Variants in CDH4 observed in about 807,000 individuals in gnomAD.
CDH4 encodes cadherin 4.
CDH4 carries 33 observed loss-of-function variants against 86.0 expected under a neutral mutation model. The ratio of observed to expected loss-of-function variants is 0.38; its 90% CI spans 0.29 to 0.51. The LOEUF is 0.51. Ranked by LOEUF, CDH4 falls within the 20% of genes least tolerant of loss-of-function variation. CDH4 has a pLI of 0.86. For synonymous variants in CDH4, 555 were observed against 549.4 expected, an observed-to-expected ratio of 1.01 and a Z score of -0.14; for missense variants, 1,114 against 1,307.4, an observed-to-expected ratio of 0.85 and a Z score of 2.28.
At chr20:61,883,996 C>T (rs28447167) in intron 7 of CDH4, among the ~76,000 whole-genome samples, 2 of 152,154 alleles carry the variant, frequency 1.3e-5, no homozygotes, top group Non-Finnish European at 2.9e-5. Context: ...TTCTTTGTGG[C>T]CTCCCCTGCC....
chr20:61,754,557 A>C lies in CDH4; in HGVS notation c.396+10768A>C, dbSNP rs1476126020. 1.3e-5 allele frequency among the ~76,000 whole-genome samples: 2 copies of C among 151,530 alleles called. No homozygotes were observed. Among genetic ancestry groups the C allele is most frequent in the Non-Finnish European group, 1.5e-5 (1 of 67,976 alleles). On this transcript the variant is annotated intron_variant, in intron 3 of 15. Transcript: ENST00000614565. The surrounding 1 kb of genome is among the most constrained non-coding windows in gnomAD (Gnocchi z 4.7). The stretch of plus-strand genomic sequence containing the variant: ...AGGGATGAGGAACGGGTGCCATTCC[A>C]AGGGCAGCAGCACACAACAGGTGCA...
chr20:61,882,252 C>T (rs188193907), intron 7 of CDH4, among the ~76,000 whole-genome samples: 8 of 152,332 alleles, frequency 5.3e-5, no homozygotes, highest in East Asian at 1.9e-4. Flanking sequence ...TGCACGTGGG[C>T]GGTGCCACGC....
chr20:61,434,481 C>A (rs1020752016), intron 2 of CDH4: 1 of 152,154 alleles, frequency 6.6e-6, no homozygotes. Flanking sequence ...TCAAAGAAAC[C>A]AGATCGGGTT....
At chr20:61,633,435 A>G (rs1434092325) in intron 2 of CDH4, among the ~76,000 whole-genome samples, 2 of 151,838 alleles carry the variant, frequency 1.3e-5, no homozygotes, top group Non-Finnish European at 2.9e-5. Flanking sequence ...CCATCCTCCC[A>G]TCCATTCATC....
intron 2 of CDH4, among the ~76,000 whole-genome samples, chr20:61,658,914 A>G (rs560407518): frequency 6.6e-6 from 1 of 152,246 alleles, no homozygotes; most frequent in East Asian, 1.9e-4. Flanking sequence ...TGTCCCCACA[A>G]TTCAGAGTGA....
intron 2 of CDH4, among the ~76,000 whole-genome samples, chr20:61,522,426 C>T (rs1208029646): frequency 6.6e-6 from 1 of 152,204 alleles, no homozygotes; most frequent in Non-Finnish European, 1.5e-5. Context: ...GGTGCTGCGC[C>T]GTCCCTGACA....
At chr20:61,764,177 G>A (rs146494733) in intron 3 of CDH4, among the ~76,000 whole-genome samples, 84 of 152,320 alleles carry the variant, frequency 5.5e-4, no homozygotes, top group African/African-American at 1.3e-3. Context: ...CCAAGAAGCC[G>A]GCAGGGCAGA....
At chr20:61,857,047 G>T (rs1394958503) in intron 6 of CDH4, among the ~76,000 whole-genome samples, 1 of 152,234 alleles carries the variant, frequency 6.6e-6, no homozygotes, top group African/African-American at 2.4e-5. Flanking sequence ...CAGCCCTGGG[G>T]GTGAGGGGAG....
intron 2 of CDH4, among the ~76,000 whole-genome samples, chr20:61,669,615 G>A (rs1424633239): frequency 6.6e-6 from 1 of 152,214 alleles, no homozygotes; most frequent in Non-Finnish European, 1.5e-5. Flanking sequence ...CTTATCCGGT[G>A]TGTAATGTTC....
chr20:61,558,013 T>C (rs1331652551), intron 2 of CDH4, among the ~76,000 whole-genome samples: 3 of 152,150 alleles, frequency 2.0e-5, no homozygotes, highest in Non-Finnish European at 2.9e-5. Flanking sequence ...AAATTGCCAG[T>C]TGGAATGAGA....
rs6089393 is a variant in CDH4, at chr20:61,480,997, C to T, written c.169+226060C>T. 0.017 allele frequency among the ~76,000 whole-genome samples: 2,567 copies of T among 152,228 alleles called. 28 individuals are homozygous for T. The highest frequency in any genetic ancestry group is 0.028 in the Non-Finnish European group (1,874 of 68,020). ...GTAGTCAGATGACATCCATGAGAGG[C>T]GTTCTCAGTCAGCTTCATTTCTGTT... On this transcript the variant is annotated intron_variant, in intron 2 of 15. Transcript: ENST00000614565. This position sits in a 1 kb window ranked among gnomAD's most constrained non-coding sequence, Gnocchi z 5.2.
chr20:61,358,339 A>C (rs2084764638), intron 2 of CDH4, among the ~76,000 whole-genome samples: 1 of 152,220 alleles, frequency 6.6e-6, no homozygotes, highest in African/African-American at 2.4e-5. Context: ...CACAGCACCC[A>C]CATCAGTCAG....
chr20:61,555,104 C>T (rs1024790616), intron 2 of CDH4, among the ~76,000 whole-genome samples: 5 of 151,762 alleles, frequency 3.3e-5, no homozygotes, highest in East Asian at 1.9e-4. Context: ...CAGTATGAGC[C>T]GTATGTGTGT....
chr20:61,713,734 GCT>G (rs932131128), intron 2 of CDH4, among the ~76,000 whole-genome samples: 3 of 152,196 alleles, frequency 2.0e-5, no homozygotes, highest in African/African-American at 7.2e-5. Flanking sequence ...GAGGGAGGGG[GCT>G]CCCCATGGGC....
chr20:61,300,336 G>T (rs2084379257), intron 2 of CDH4, among the ~76,000 whole-genome samples: 1 of 152,156 alleles, frequency 6.6e-6, no homozygotes. Flanking sequence ...TTCTGGGAGA[G>T]GGAACAGTGC....
chr20:61,484,827 A>G (rs1392243226), intron 2 of CDH4, among the ~76,000 whole-genome samples: 1 of 152,168 alleles, frequency 6.6e-6, no homozygotes, highest in African/African-American at 2.4e-5. Flanking sequence ...GAGCCACCTT[A>G]TCCAGGACCC....
intron 6 of CDH4, among the ~76,000 whole-genome samples, chr20:61,870,617 G>A (rs939932784): frequency 2.0e-5 from 3 of 152,146 alleles, no homozygotes; most frequent in Non-Finnish European, 2.9e-5. Flanking sequence ...TTTCACAGAC[G>A]AAAATGCCGG....
intron 2 of CDH4, among the ~76,000 whole-genome samples, chr20:61,527,449 C>A (rs1021192507): frequency 1.1e-4 from 17 of 152,182 alleles, no homozygotes; most frequent in Non-Finnish European, 2.2e-4. Flanking sequence ...AGGGTTTCAC[C>A]CTGATGGCTA....
intron 2 of CDH4, among the ~76,000 whole-genome samples, chr20:61,470,960 G>C (rs1007509854): frequency 1.3e-5 from 2 of 151,914 alleles, no homozygotes; most frequent in African/African-American, 4.8e-5. Context: ...GAGGATTTTT[G>C]CATTAATATT....
Sources: allele counts gnomAD v4.1 joint callset (sites outside exome capture counted in the v4.1 genomes callset), GRCh38; gene constraint gnomAD v4.1.1; non-coding constraint Gnocchi (gnomAD v3.1); transcripts MANE v1.5; gene names NCBI Gene and HGNC (gene_info 2026-07-23, HGNC 2026-07-21).